The following ANGPT1 variants were observed in gnomAD, a reference collection of about 807,000 sequenced individuals.
ANGPT1 encodes the protein angiopoietin 1.
Under a neutral mutation model 62.2 loss-of-function variants are expected in ANGPT1, and 17 were observed. That is an observed-to-expected ratio of 0.27 (90% CI 0.19 to 0.41). The LOEUF is 0.41. Among genes scored for constraint, ANGPT1 ranks in the 10% least tolerant of loss-of-function variants. The pLI, the probability that ANGPT1 is intolerant of heterozygous loss-of-function variation, is 1.00. For missense variants in ANGPT1, 478 were observed against 594.9 expected (o/e 0.80, Z 2.04); for synonymous variants, 199 against 198.9 (o/e 1.00, Z 0.00).
At chr8:107,365,109 T>C (rs1351682132) in intron 1 of ANGPT1, among the ~76,000 whole-genome samples, 2 of 152,162 alleles carry the variant, frequency 1.3e-5, no homozygotes, top group African/African-American at 4.8e-5. Context: ...AAAGTAACAA[T>C]ATTGCAAGCA....
chr8:107,494,839 C>A (rs994157549), intron 1 of ANGPT1: 3 of 152,144 alleles, frequency 2.0e-5, no homozygotes, highest in African/African-American at 7.2e-5. Context: ...TTCCTGATAG[C>A]GATGCCATGA....
Position 107,467,787 on chromosome 8 carries a change from G to A in ANGPT1, c.297+29475C>T, listed in dbSNP as rs143377998. On this transcript the variant is annotated intron_variant, in intron 1 of 8. Transcript: ENST00000517746. ...AAGGAAATGTTAAGGAGGTAAAATAGTCATCCTAAAGTGCTACAACAACAA... is the reference window on the plus strand; with the variant it reads ...AAGGAAATGTTAAGGAGGTAAAATAATCATCCTAAAGTGCTACAACAACAA... 5.5e-3 allele frequency among the ~76,000 whole-genome samples: 834 copies of A among 152,208 alleles called. 6 individuals carry two copies. Among genetic ancestry groups the A allele is most frequent in the African/African-American group, 0.019 (786 of 41,558 alleles).
chr8:107,375,092 G>A (rs538795582), intron 1 of ANGPT1, among the ~76,000 whole-genome samples: 8 of 152,140 alleles, frequency 5.3e-5, no homozygotes, highest in Non-Finnish European at 7.4e-5. Context: ...CCCAGGAGGC[G>A]GAGCTTGCAG....
chr8:107,367,173 C>T (rs116796721), intron 1 of ANGPT1, among the ~76,000 whole-genome samples: 1,743 of 152,290 alleles, frequency 0.011, 37 homozygotes, highest in African/African-American at 0.039. Context: ...TTCCAGACCA[C>T]CACAATAAAG....
intron 1 of ANGPT1, among the ~76,000 whole-genome samples, chr8:107,492,918 C>G (rs1415277437): frequency 1.3e-5 from 2 of 150,122 alleles, no homozygotes; most frequent in African/African-American, 4.9e-5. Flanking sequence ...TAAATGGCTC[C>G]CTACTGTACT....
chr8:107,315,903 CTT>C (rs1050877578), intron 4 of ANGPT1, among the ~76,000 whole-genome samples: 11 of 152,148 alleles, frequency 7.2e-5, no homozygotes, highest in African/African-American at 1.7e-4. Context: ...GATTTTACCT[CTT>C]GTCTCCTCTG....
At chr8:107,397,689 C>A (rs970799828) in intron 1 of ANGPT1, among the ~76,000 whole-genome samples, 1 of 152,076 alleles carries the variant, frequency 6.6e-6, no homozygotes, top group African/African-American at 2.4e-5. Context: ...GGTCTCAGAA[C>A]CAGCAAGTCA....
intron 1 of ANGPT1, among the ~76,000 whole-genome samples, chr8:107,462,488 C>T (rs1351343398): frequency 1.3e-5 from 2 of 151,438 alleles, no homozygotes; most frequent in East Asian, 3.9e-4. Context: ...ATTTAAAATC[C>T]AGGGGTTGAA....
At position 107,365,513 on chromosome 8, in the gene ANGPT1, G is replaced by A. The variant is rs137984184; in HGVS notation, c.298-18416C>T. 1.1e-4 allele frequency among the ~76,000 whole-genome samples: 17 copies of A among 152,140 alleles called. No individual in the cohort carries two copies. The East Asian group carries it at 2.7e-3, about 24-fold the overall frequency. ...GTTTCCTGTGACTCTCACCATTAAT[G>A]CATCTGCAACCACCATGGTATTGGG... On this transcript the variant is annotated intron_variant, in intron 1 of 8. Coordinates refer to ENST00000517746, the MANE Select transcript of ANGPT1 (RefSeq NM_001146.5).
intron 7 of ANGPT1, among the ~76,000 whole-genome samples, chr8:107,274,619 C>T (rs950427857): frequency 6.6e-6 from 1 of 152,092 alleles, no homozygotes; most frequent in Admixed American, 6.6e-5. Flanking sequence ...AACTTAAGGA[C>T]ATGATACTTT....
At chr8:107,416,332 C>G (rs1222975266) in intron 1 of ANGPT1, among the ~76,000 whole-genome samples, 1 of 152,170 alleles carries the variant, frequency 6.6e-6, no homozygotes, top group Admixed American at 6.6e-5. Context: ...AGGGAACCAT[C>G]TACTTATATT....
rs1345942693 is a variant in ANGPT1, at chr8:107,347,101, C to T, written c.298-4G>A. 1 of 1,611,796 alleles carries T rather than the reference C, an allele frequency of 6.2e-7. No individual in the cohort carries two copies. Among genetic ancestry groups the T allele is most frequent in the East Asian group, 2.2e-5 (1 of 44,854 alleles). On this transcript the variant is annotated splice_region_variant and splice_polypyrimidine_tract_variant and intron_variant, in intron 1 of 8. Coordinates refer to ENST00000517746, the MANE Select transcript of ANGPT1 (RefSeq NM_001146.5). ...TTTCCACAATGTAATTCTCAAGCTG[C>T]AAGAGATAAAGAACAAAACATATTA...
At chr8:107,372,709 G>C (rs1301559152) in intron 1 of ANGPT1, among the ~76,000 whole-genome samples, 1 of 151,804 alleles carries the variant, frequency 6.6e-6, no homozygotes, top group Admixed American at 6.6e-5. Flanking sequence ...TTAGAATGCA[G>C]GTCTATGACC....
intron 7 of ANGPT1, among the ~76,000 whole-genome samples, chr8:107,275,018 T>G (rs766912652): frequency 2.4e-4 from 36 of 152,064 alleles, no homozygotes; most frequent in Non-Finnish European, 4.0e-4. Context: ...AAGAGCTCTA[T>G]GGACTGAGCT....
At chr8:107,388,585 C>T (rs188304340) in intron 1 of ANGPT1, among the ~76,000 whole-genome samples, 52 of 152,172 alleles carry the variant, frequency 3.4e-4, no homozygotes, top group African/African-American at 9.6e-4. Flanking sequence ...TACCCCAAAC[C>T]GCCTGATTAT....
chr8:107,461,974 T>C (rs1812083159), intron 1 of ANGPT1, among the ~76,000 whole-genome samples: 1 of 152,030 alleles, frequency 6.6e-6, no homozygotes, highest in African/African-American at 2.4e-5. Context: ...GTTAAGAACA[T>C]TTATGTGGTC....
At chr8:107,417,871 A>G (rs1023308050) in intron 1 of ANGPT1, among the ~76,000 whole-genome samples, 11 of 152,220 alleles carry the variant, frequency 7.2e-5, no homozygotes, top group Non-Finnish European at 1.0e-4. Flanking sequence ...TCTTAAAATC[A>G]TGTAAGTCTA....
chr8:107,453,370 T>C (rs55940441), intron 1 of ANGPT1, among the ~76,000 whole-genome samples: 17,953 of 152,090 alleles, frequency 0.12, 1,228 homozygotes, highest in Non-Finnish European at 0.16. Flanking sequence ...AGAGGTTCAA[T>C]GGACTTACAG....
At chr8:107,269,799 C>A (rs1185147931) in intron 7 of ANGPT1, among the ~76,000 whole-genome samples, 1 of 151,726 alleles carries the variant, frequency 6.6e-6, no homozygotes, top group African/African-American at 2.4e-5. Flanking sequence ...TTATTCTCAT[C>A]CATGTATTTT....
Sources: gnomAD v4.1 joint callset for allele counts (sites outside exome capture counted in the v4.1 genomes callset) on GRCh38, gnomAD v4.1.1 for gene constraint, MANE v1.5 for transcripts, NCBI Gene and HGNC (gene_info 2026-07-23, HGNC 2026-07-21) for gene names.